TTL: variants seen among roughly 807,000 people sequenced by gnomAD.
TTL encodes tubulin--tyrosine ligase.
A neutral mutation model predicts 41.1 loss-of-function variants in TTL; 10 were observed. The observed-to-expected ratio is 0.24, with a 90% CI of 0.15 to 0.41. The LOEUF (loss-of-function observed/expected upper bound fraction) is 0.41, where lower values mean the gene tolerates loss of function less well. Ranked by LOEUF, TTL falls within the 10% of genes least tolerant of loss-of-function variation. The pLI is 1.00. For synonymous variants in TTL, 175 were observed against 175.5 expected, an observed-to-expected ratio of 1.00 and a Z score of 0.02; for missense variants, 367 against 460.4, an observed-to-expected ratio of 0.80 and a Z score of 1.86.
Position 112,537,657 on chromosome 2 carries a change from G to A in TTL, c.*8862G>A, listed in dbSNP as rs893189870. 6.6e-6 allele frequency: 1 copy of A among 152,042 alleles called. No individual in the cohort carries two copies. The highest frequency in any genetic ancestry group is 1.5e-5 in the Non-Finnish European group (1 of 68,038). The allele number at this position is 152,042 out of a possible 1,614,324, so 9.4% of individuals were successfully genotyped here. On this transcript the variant is annotated 3_prime_UTR_variant, in exon 7 of 7. Coordinates refer to ENST00000233336, the MANE Select transcript of TTL (RefSeq NM_153712.5). ...CCAAGGACATTTTATATTGATAAAA[G>A]GGTCAGTCCATTAGGAAAATATGAC...
chr2:112,502,933 T>C lies in TTL; in HGVS notation c.627T>C (p.His209=). 6.2e-7 allele frequency: 1 copy of C among 1,606,830 alleles called. No homozygotes were observed. The highest frequency in any genetic ancestry group is 1.3e-5 in the African/African-American group (1 of 74,792). Residue 209 remains histidine, a synonymous_variant, in exon 5 of 7, where the codon CAT becomes CAC. Transcript: ENST00000233336. ...FDIRSWVLVD[H]QYNIYLYREG... Reference sequence around the variant, plus strand: ...GCAGAAGCTGGGTCTTGGTGGATCATCAGTATAATATCTACCTCTATAGAG... The same window carrying C: ...GCAGAAGCTGGGTCTTGGTGGATCACCAGTATAATATCTACCTCTATAGAG...
At position 112,482,760 on chromosome 2, in the gene TTL, G is replaced by C. The variant is rs1681127151; in HGVS notation, c.157+259G>C. 6.6e-6 allele frequency among the ~76,000 whole-genome samples: 1 copy of C among 152,224 alleles called. No homozygotes were observed. The highest frequency in any genetic ancestry group is 2.1e-4 in the South Asian group (1 of 4,836). On this transcript the variant is annotated intron_variant, in intron 1 of 6. Transcript: ENST00000233336. The surrounding 1 kb of genome is among the most constrained non-coding windows in gnomAD (Gnocchi z 5.3). ...TACCTCCCGACGGTGACCGGTCCCT[G>C]CAGCCCGGGAGACGCTGGCCGCCGG...
In TTL at chr2:112,532,556, C is replaced by T; in HGVS notation, c.*3761C>T. 1 of 200,614 alleles carries T rather than the reference C, an allele frequency of 5.0e-6. No homozygotes were observed. The highest frequency in any genetic ancestry group is 1.0e-5 in the Non-Finnish European group (1 of 97,208). The allele number at this position is 200,614 out of a possible 1,614,324, so 12.4% of individuals were successfully genotyped here. A position where few individuals can be genotyped will look rare whatever the true frequency, so the allele number is the denominator to read the frequency against. On this transcript the variant is annotated 3_prime_UTR_variant, in exon 7 of 7. Coordinates refer to ENST00000233336, the MANE Select transcript of TTL (RefSeq NM_153712.5). ...CGCTTGAGGCTGAGGTGTGAGGCTGCAGTGAACCATGTTCACACCACTGTA... is the reference window on the plus strand; with the variant it reads ...CGCTTGAGGCTGAGGTGTGAGGCTGTAGTGAACCATGTTCACACCACTGTA...
At chr2:112,517,953 C>CTT (rs113571938) in intron 5 of TTL, among the ~76,000 whole-genome samples, 1 of 147,980 alleles carries the variant, frequency 6.8e-6, no homozygotes, top group Non-Finnish European at 1.5e-5. Context: ...CTGTCTCCTG[C>CTT]TTTTTTTTTG....
In TTL at chr2:112,530,541, G is replaced by A. The variant is rs1193572244; in HGVS notation, c.*1746G>A. ...TCTGAGATGGGAGTGAGATCTGATCGGATCCTGGGAAGATGTATACCCAGT... is the reference window on the plus strand; with the variant it reads ...TCTGAGATGGGAGTGAGATCTGATCAGATCCTGGGAAGATGTATACCCAGT... On this transcript the variant is annotated 3_prime_UTR_variant, in exon 7 of 7. Transcript: ENST00000233336. 1.3e-5 allele frequency: 3 copies of A among 228,784 alleles called. No individual in the cohort carries two copies. Among genetic ancestry groups the A allele is most frequent in the East Asian group, 6.2e-5 (1 of 16,142 alleles). 14.2% of individuals were successfully genotyped at this position (228,784 alleles called of 1,614,324 possible).
intron 5 of TTL, among the ~76,000 whole-genome samples, chr2:112,503,410 T>TATATAC (rs1420147424): frequency 6.8e-6 from 1 of 147,192 alleles, no homozygotes; most frequent in African/African-American, 2.5e-5. Context: ...TGTGTATATA[T>TATATAC]ATATATATAT....
chr2:112,482,415 C>G lies in TTL; in HGVS notation c.71C>G (p.Thr24Ser). ...YAEVSRLLLATGHWKRLRRDN... is the reference protein window; with the variant it reads ...YAEVSRLLLASGHWKRLRRDN... ...GAGGTCTCCCGGCTGCTCCTCGCCA[C>G]CGGCCACTGGAAGAGGCTGCGGCGA... The change falls in exon 1 of 7, where the codon ACC (threonine) becomes AGC (serine). Residue 24 changes from threonine (T) to serine (S), a missense_variant. Thr to Ser is a moderately conservative substitution (Grantham distance 58). Transcript: ENST00000233336. This position sits in a 1 kb window ranked among gnomAD's most constrained non-coding sequence, Gnocchi z 5.3. 6.2e-7 allele frequency: 1 copy of G among 1,608,472 alleles called. No homozygotes were observed. Among genetic ancestry groups the G allele is most frequent in the Non-Finnish European group, 8.5e-7 (1 of 1,178,088 alleles).
chr2:112,492,128 T>C (rs150490839), intron 2 of TTL, among the ~76,000 whole-genome samples: 80 of 152,330 alleles, frequency 5.3e-4, no homozygotes, highest in Non-Finnish European at 1.0e-3. Context: ...CTATTGTCCC[T>C]GAATAGAATA....
chr2:112,500,047 A>G (rs2458988), intron 3 of TTL, among the ~76,000 whole-genome samples: 3 of 152,252 alleles, frequency 2.0e-5, no homozygotes, highest in Non-Finnish European at 2.9e-5. Flanking sequence ...TGAACATGAT[A>G]CTAATACACA....
intron 1 of TTL, among the ~76,000 whole-genome samples, chr2:112,485,378 A>C (rs1299829500): frequency 1.3e-5 from 2 of 152,250 alleles, no homozygotes; most frequent in Admixed American, 6.5e-5. Context: ...GGCACAGAAG[A>C]AAGCTCTCAG....
At chr2:112,526,109 AC>A (rs1682366302) in intron 6 of TTL, among the ~76,000 whole-genome samples, 1 of 152,170 alleles carries the variant, frequency 6.6e-6, no homozygotes, top group African/African-American at 2.4e-5. Flanking sequence ...CATATGTTGA[AC>A]CAGCCTTGCA....
chr2:112,521,778 A>G (rs1490874432), intron 6 of TTL, among the ~76,000 whole-genome samples: 1 of 152,256 alleles, frequency 6.6e-6, no homozygotes, highest in African/African-American at 2.4e-5. Context: ...GATACCAGGC[A>G]GATGTCAATT....
chr2:112,530,466 T>C lies in TTL; in HGVS notation c.*1671T>C. The C allele has an allele frequency of 4.4e-6, 1 of 228,082 alleles. No individual in the cohort carries two copies. The highest frequency in any genetic ancestry group is 8.7e-6 in the Non-Finnish European group (1 of 114,816). The allele number at this position is 228,082 out of a possible 1,614,324, so 14.1% of individuals were successfully genotyped here. A position where few individuals can be genotyped will look rare whatever the true frequency, so the allele number is the denominator to read the frequency against. On this transcript the variant is annotated 3_prime_UTR_variant, in exon 7 of 7. Coordinates refer to ENST00000233336, the MANE Select transcript of TTL (RefSeq NM_153712.5). ...AGCAAAATAAAACAGTCAGTTGTAG[T>C]CATTAATCCTTGAGGCCCAACGCAG...
chr2:112,501,267 C>A lies in TTL; in HGVS notation c.531C>A (p.Gly177=), dbSNP rs763593707. 1 of 1,613,772 alleles carries A rather than the reference C, an allele frequency of 6.2e-7. No individual in the cohort carries two copies. Among genetic ancestry groups the A allele is most frequent in the South Asian group, 1.1e-5 (1 of 91,062 alleles). The change falls in exon 4 of 7, where the codon GGC becomes GGA. Residue 177 remains glycine, a synonymous_variant. Transcript: ENST00000233336. ...SELLDFIDNQ[G]QVHVIQKYLE... ...TTCTCGATTTCATAGACAACCAGGG[C>A]CAAGTGCACGTGATCCAGAAATATC...
intron 6 of TTL, chr2:112,521,270 G>A (rs1682218907): frequency 1.0e-6 from 1 of 985,238 alleles, no homozygotes; most frequent in South Asian, 4.7e-5. Flanking sequence ...CCTGCTCTCC[G>A]GAACTTCTGC....
At chr2:112,525,989 A>G (rs1388525009) in intron 6 of TTL, among the ~76,000 whole-genome samples, 6 of 152,260 alleles carry the variant, frequency 3.9e-5, no homozygotes, top group Non-Finnish European at 7.4e-5. Context: ...GAGAGTTTTT[A>G]GCATGAAGGT....
At position 112,531,724 on chromosome 2, in the gene TTL, T is replaced by C. The variant is rs2104483061; in HGVS notation, c.*2929T>C. 4.5e-6 allele frequency: 1 copy of C among 223,230 alleles called. No individual in the cohort carries two copies. The highest frequency in any genetic ancestry group is 2.2e-5 in the African/African-American group (1 of 44,952). 13.8% of individuals were successfully genotyped at this position (223,230 alleles called of 1,614,324 possible). On this transcript the variant is annotated 3_prime_UTR_variant, in exon 7 of 7. Transcript: ENST00000233336. Reference sequence around the variant, plus strand: ...TTCTTTTTGGAAACACAAGCATTTCTTTAAGGATGACCGGATGTTGCCGTA... The same window carrying C: ...TTCTTTTTGGAAACACAAGCATTTCCTTAAGGATGACCGGATGTTGCCGTA...
chr2:112,502,049 T>C (rs1267657568), intron 4 of TTL, among the ~76,000 whole-genome samples: 1 of 152,192 alleles, frequency 6.6e-6, no homozygotes, highest in Non-Finnish European at 1.5e-5. Context: ...TGTGTCCCAC[T>C]CTGTGGATTT....
intron 5 of TTL, among the ~76,000 whole-genome samples, chr2:112,511,152 G>A (rs1681910674): frequency 1.3e-5 from 2 of 151,978 alleles, no homozygotes; most frequent in Non-Finnish European, 2.9e-5. Context: ...GACTACAGGT[G>A]CATGCCACCA....
Sources: allele counts gnomAD v4.1 joint callset (sites outside exome capture counted in the v4.1 genomes callset), GRCh38; gene constraint gnomAD v4.1.1; non-coding constraint Gnocchi (gnomAD v3.1); transcripts MANE v1.5; gene names NCBI Gene and HGNC (gene_info 2026-07-23, HGNC 2026-07-21).